The following MECOM variants were observed in gnomAD, a reference collection of about 807,000 sequenced individuals.
MECOM encodes the protein MDS1 and EVI1 complex locus.
A neutral mutation model predicts 116.3 loss-of-function variants in MECOM; 13 were observed. The observed-to-expected ratio is 0.11, with a 90% CI of 0.07 to 0.18. The LOEUF is 0.18. Ranked by LOEUF, MECOM falls within the 10% of genes least tolerant of loss-of-function variation. The probability of loss-of-function intolerance (pLI) is 1.00; values close to 1 mark genes in which losing one functional copy is unlikely to be tolerated. For synonymous variants in MECOM, 528 were observed against 535.2 expected (o/e 0.99, Z 0.19); for missense variants, 1,299 against 1,509.0 (o/e 0.86, Z 2.31).
intron 2 of MECOM, among the ~76,000 whole-genome samples, chr3:169,344,429 C>T (rs1016312220): frequency 1.1e-4 from 17 of 151,968 alleles, no homozygotes; most frequent in African/African-American, 3.1e-4. Context: ...AGTGCTCAAG[C>T]GGGACAAATA....
chr3:169,254,077 C>A (rs1180176340), intron 2 of MECOM, among the ~76,000 whole-genome samples: 1 of 152,158 alleles, frequency 6.6e-6, no homozygotes, highest in Non-Finnish European at 1.5e-5. Flanking sequence ...GAAATTCTCT[C>A]TTCTGAGTTC....
chr3:169,616,351 G>GT (rs1560497719), intron 1 of MECOM, among the ~76,000 whole-genome samples: 1 of 151,930 alleles, frequency 6.6e-6, no homozygotes, highest in Non-Finnish European at 1.5e-5. Context: ...TGGTTTTTTT[G>GT]TTTTTTTGGT....
chr3:169,165,751 A>G (rs1268484084), intron 2 of MECOM, among the ~76,000 whole-genome samples: 3 of 152,228 alleles, frequency 2.0e-5, no homozygotes, highest in African/African-American at 7.2e-5. Context: ...GAGGAATAAA[A>G]TGTGGCTCTT....
At chr3:169,106,964 A>G (rs1057084224) in intron 10 of MECOM, among the ~76,000 whole-genome samples, 2 of 152,192 alleles carry the variant, frequency 1.3e-5, no homozygotes, top group African/African-American at 4.8e-5. Flanking sequence ...AAAGTCTATC[A>G]GAATGAGAAA....
intron 1 of MECOM, among the ~76,000 whole-genome samples, chr3:169,526,957 A>G (rs1482194647): frequency 6.6e-6 from 1 of 152,236 alleles, no homozygotes; most frequent in Admixed American, 6.5e-5. Context: ...AACACATCAC[A>G]GTCAGATGAA....
intron 1 of MECOM, among the ~76,000 whole-genome samples, chr3:169,395,854 G>A (rs1489754377): frequency 6.6e-6 from 1 of 152,202 alleles, no homozygotes; most frequent in Non-Finnish European, 1.5e-5. Context: ...GGGACCCTGT[G>A]TGTTTTCTTC....
chr3:169,295,161 C>T (rs1345978688), intron 2 of MECOM, among the ~76,000 whole-genome samples: 4 of 152,154 alleles, frequency 2.6e-5, no homozygotes, highest in Non-Finnish European at 5.9e-5. Context: ...TGGCTTTGAA[C>T]CTCCTGTCCC....
At chr3:169,282,200 T>A (rs1712213083) in intron 2 of MECOM, among the ~76,000 whole-genome samples, 1 of 152,220 alleles carries the variant, frequency 6.6e-6, no homozygotes, top group Non-Finnish European at 1.5e-5. Context: ...AGCCTATTTG[T>A]CTGTATTGTC....
intron 1 of MECOM, among the ~76,000 whole-genome samples, chr3:169,531,565 G>A (rs1758632550): frequency 6.6e-6 from 1 of 151,994 alleles, no homozygotes; most frequent in Admixed American, 6.5e-5. Flanking sequence ...TAGTCACATG[G>A]CCATCAAACT....
At chr3:169,257,825 T>C (rs906429110) in intron 2 of MECOM, among the ~76,000 whole-genome samples, 1 of 152,202 alleles carries the variant, frequency 6.6e-6, no homozygotes, top group African/African-American at 2.4e-5. Flanking sequence ...TCCACTTCGT[T>C]TAGAGATGTA....
chr3:169,226,325 G>C (rs1264637288), intron 2 of MECOM, among the ~76,000 whole-genome samples: 1 of 152,026 alleles, frequency 6.6e-6, no homozygotes, highest in Non-Finnish European at 1.5e-5. Flanking sequence ...GTTTCCACAG[G>C]ACCTATAGTC....
intron 1 of MECOM, among the ~76,000 whole-genome samples, chr3:169,411,469 A>T (rs989133327): frequency 2.0e-5 from 3 of 152,222 alleles, no homozygotes; most frequent in African/African-American, 7.2e-5. Flanking sequence ...AAACCCAAGG[A>T]TAGGCACTGC....
chr3:169,391,732 G>A (rs1218651788), intron 1 of MECOM, among the ~76,000 whole-genome samples: 2 of 152,142 alleles, frequency 1.3e-5, no homozygotes, highest in East Asian at 1.9e-4. Context: ...CACAAGCTAG[G>A]TATTTAAGGG....
chr3:169,536,426 C>A (rs1451643842), intron 1 of MECOM, among the ~76,000 whole-genome samples: 1 of 137,674 alleles, frequency 7.3e-6, no homozygotes, highest in Non-Finnish European at 1.5e-5. Flanking sequence ...GTATAGTCAA[C>A]TTATTCTTTC....
intron 1 of MECOM, among the ~76,000 whole-genome samples, chr3:169,503,017 C>A (rs146055912): frequency 1.3e-5 from 2 of 152,146 alleles, no homozygotes; most frequent in African/African-American, 4.8e-5. Context: ...TAATGGCAAC[C>A]ATTATTTAAG....
chr3:169,531,965 G>C (rs1758687417), intron 1 of MECOM, among the ~76,000 whole-genome samples: 1 of 152,164 alleles, frequency 6.6e-6, no homozygotes, highest in African/African-American at 2.4e-5. Flanking sequence ...TCCGCTGGAT[G>C]CATCATCTTG....
intron 2 of MECOM, among the ~76,000 whole-genome samples, chr3:169,267,788 G>T (rs1274280405): frequency 6.6e-6 from 1 of 151,826 alleles, no homozygotes; most frequent in African/African-American, 2.4e-5. Flanking sequence ...TCCAACAGTT[G>T]CTTTCCATTT....
At chr3:169,366,439 C>T (rs987553146) in intron 2 of MECOM, among the ~76,000 whole-genome samples, 2 of 152,046 alleles carry the variant, frequency 1.3e-5, no homozygotes, top group African/African-American at 4.8e-5. Flanking sequence ...CCTGCTCCTA[C>T]CCGTACAGTA....
intron 1 of MECOM, among the ~76,000 whole-genome samples, chr3:169,653,842 C>T (rs1379131323): frequency 6.6e-6 from 1 of 152,156 alleles, no homozygotes; most frequent in Non-Finnish European, 1.5e-5. Flanking sequence ...TTCATTTCAA[C>T]CAGCTAGTAA....
Sources: allele counts gnomAD v4.1 joint callset (sites outside exome capture counted in the v4.1 genomes callset), GRCh38; gene constraint gnomAD v4.1.1; transcripts MANE v1.5; gene names NCBI Gene and HGNC (gene_info 2026-07-23, HGNC 2026-07-21).